Variants in LRP1B observed in about 807,000 individuals in gnomAD.
The protein encoded by LRP1B is low-density lipoprotein receptor-related protein 1B.
In LRP1B, 217 loss-of-function variants were observed where a neutral mutation model predicts 556.6. The ratio of observed to expected loss-of-function variants is 0.39; its 90% CI spans 0.35 to 0.44. The LOEUF (loss-of-function observed/expected upper bound fraction) is 0.44. LRP1B is among the 20% of genes least tolerant of loss of function. The probability of loss-of-function intolerance (pLI) is 1.00; values close to 1 mark genes in which losing one functional copy is unlikely to be tolerated. For missense variants in LRP1B, 5,053 were observed against 5,620.8 expected (o/e 0.90, Z 3.23); for synonymous variants, 2,047 against 1,865.8 (o/e 1.10, Z -2.50).
intron 3 of LRP1B, among the ~76,000 whole-genome samples, chr2:141,269,452 A>G (rs901874152): frequency 6.6e-6 from 1 of 152,228 alleles, no homozygotes; most frequent in Admixed American, 6.5e-5. Flanking sequence ...TGTAATACCA[A>G]TAAAGACACA....
At chr2:141,231,776 A>C (rs1385413019) in intron 5 of LRP1B, among the ~76,000 whole-genome samples, 1 of 152,148 alleles carries the variant, frequency 6.6e-6, no homozygotes, top group Non-Finnish European at 1.5e-5. Flanking sequence ...AATTCTCTCA[A>C]GTCATAGGAT....
At chr2:141,650,066 G>A (rs1388391881) in intron 2 of LRP1B, among the ~76,000 whole-genome samples, 1 of 152,184 alleles carries the variant, frequency 6.6e-6, no homozygotes, top group Admixed American at 6.5e-5. Context: ...TGTAATCCCA[G>A]CTAGTTGGGG....
chr2:141,725,151 T>C (rs1290940404), intron 2 of LRP1B, among the ~76,000 whole-genome samples: 1 of 151,986 alleles, frequency 6.6e-6, no homozygotes, highest in African/African-American at 2.4e-5. Context: ...TTGTAAGGTG[T>C]ATTTTACTTG....
rs368555842 is a variant in LRP1B at position 140,677,197 on chromosome 2, T to A, written c.6799+23053A>T. On this transcript the variant is annotated intron_variant, in intron 41 of 90. Coordinates refer to ENST00000389484, the MANE Select transcript of LRP1B (RefSeq NM_018557.3). Reference sequence around the variant, plus strand: ...GAGTAGTCAACAATTTCAACAGAAATGAGTTCATTGTCTTTGTCAACCACA... The same window carrying A: ...GAGTAGTCAACAATTTCAACAGAAAAGAGTTCATTGTCTTTGTCAACCACA... Among the ~76,000 whole-genome samples the A allele has an allele frequency of 9.2e-5, 14 of 152,270 alleles. No homozygotes were observed. In the East Asian group the frequency reaches 1.4e-3, roughly 15 times the overall value.
At chr2:140,973,430 G>T (rs968948869) in intron 18 of LRP1B, among the ~76,000 whole-genome samples, 3 of 152,058 alleles carry the variant, frequency 2.0e-5, no homozygotes, top group African/African-American at 4.8e-5. Flanking sequence ...GGATGGGGGG[G>T]TAGAGAGGAC....
At chr2:140,925,970 G>A (rs1377501421) in intron 20 of LRP1B, among the ~76,000 whole-genome samples, 1 of 151,446 alleles carries the variant, frequency 6.6e-6, no homozygotes, top group African/African-American at 2.4e-5. Flanking sequence ...TGTTTCATAA[G>A]TGAATCCACT....
chr2:140,777,796 G>A (rs1689550637), intron 32 of LRP1B, among the ~76,000 whole-genome samples: 1 of 151,908 alleles, frequency 6.6e-6, no homozygotes, highest in South Asian at 2.1e-4. Flanking sequence ...CAAAAGAAGA[G>A]TCTTTAGAGA....
At chr2:141,337,570 A>G (rs958097505) in intron 3 of LRP1B, among the ~76,000 whole-genome samples, 2 of 152,194 alleles carry the variant, frequency 1.3e-5, no homozygotes. Flanking sequence ...AAATTTTGGC[A>G]AAATTCAATG....
intron 1 of LRP1B, among the ~76,000 whole-genome samples, chr2:142,126,538 CTT>C (rs1268849023): frequency 2.0e-5 from 3 of 151,784 alleles, no homozygotes; most frequent in Non-Finnish European, 4.4e-5. Context: ...GCATGTTTAA[CTT>C]TTAGGATTAA....
chr2:140,744,996 C>G (rs746367906), intron 35 of LRP1B, among the ~76,000 whole-genome samples: 1 of 152,072 alleles, frequency 6.6e-6, no homozygotes, highest in Non-Finnish European at 1.5e-5. Context: ...GGATTTCTAA[C>G]TATTTACTGT....
At chr2:140,361,278 G>A (rs1254632842) in intron 72 of LRP1B, among the ~76,000 whole-genome samples, 1 of 132,052 alleles carries the variant, frequency 7.6e-6, no homozygotes, top group African/African-American at 2.8e-5. Context: ...TGTTGCAGAT[G>A]ATCATACTAC....
intron 3 of LRP1B, among the ~76,000 whole-genome samples, chr2:141,314,809 T>TA (rs1686940135): frequency 1.9e-5 from 1 of 54,004 alleles, no homozygotes; most frequent in African/African-American, 5.5e-5. Context: ...AAAAAAAAAA[T>TA]TTATATATAT....
chr2:140,330,241 T>TA (rs1433057086), intron 79 of LRP1B, among the ~76,000 whole-genome samples: 2 of 141,540 alleles, frequency 1.4e-5, no homozygotes, highest in African/African-American at 2.6e-5. Context: ...ATAATAATAA[T>TA]ATGGAGCCAA....
intron 1 of LRP1B, among the ~76,000 whole-genome samples, chr2:142,065,593 A>G (rs1705080745): frequency 6.6e-6 from 1 of 151,350 alleles, no homozygotes; most frequent in Non-Finnish European, 1.5e-5. Flanking sequence ...TCCATCTTCC[A>G]CCTTAATTCC....
intron 77 of LRP1B, among the ~76,000 whole-genome samples, chr2:140,346,690 C>T (rs1681702061): frequency 6.6e-6 from 1 of 151,842 alleles, no homozygotes; most frequent in East Asian, 1.9e-4. Flanking sequence ...TGCATATGCA[C>T]ACCTATGCAC....
At chr2:141,690,396 A>AATAAATATAT (rs5834858) in intron 2 of LRP1B, among the ~76,000 whole-genome samples, 1,028 of 26,056 alleles carry the variant, frequency 0.039, 23 homozygotes, top group Middle Eastern at 0.083. Flanking sequence ...TACATCTATA[A>AATAAATATAT]ATATATATAT....
chr2:141,463,580 A>AATATATATTATAT (rs1682015869), intron 3 of LRP1B, among the ~76,000 whole-genome samples: 4 of 56,434 alleles, frequency 7.1e-5, no homozygotes, highest in East Asian at 9.1e-4. Context: ...TATTATATAT[A>AATATATATTATAT]ATTATATATA....
At chr2:142,087,714 G>A (rs1706000700) in intron 1 of LRP1B, among the ~76,000 whole-genome samples, 1 of 151,906 alleles carries the variant, frequency 6.6e-6, no homozygotes, top group South Asian at 2.1e-4. Context: ...AAGATAAAGT[G>A]TCTACCAAGC....
chr2:140,235,087 T>C (rs1680638306), intron 89 of LRP1B, among the ~76,000 whole-genome samples: 2 of 151,168 alleles, frequency 1.3e-5, no homozygotes, highest in Non-Finnish European at 3.0e-5. Flanking sequence ...ATATTAATAT[T>C]GGATCTTTGC....
Sources: gnomAD v4.1 joint callset for allele counts (sites outside exome capture counted in the v4.1 genomes callset) on GRCh38, gnomAD v4.1.1 for gene constraint, MANE v1.5 for transcripts, NCBI Gene and HGNC (gene_info 2026-07-23, HGNC 2026-07-21) for gene names.